Variants in SLC35D4 observed in about 807,000 individuals in gnomAD.
The protein encoded by SLC35D4 is solute carrier family 35 member D4.
At chr18:23,261,918 GCCATCTCTCACCA>G in the SLC35D4 span, among the ~76,000 whole-genome samples, 1 of 152,126 alleles carries the variant, frequency 6.6e-6, no homozygotes, top group African/African-American at 2.4e-5. Context: ...GCTTCCATAT[GCCATCTCTCACCA>G]CCATCTTGCC....
the SLC35D4 span, among the ~76,000 whole-genome samples, chr18:23,359,502 G>C: frequency 6.6e-6 from 1 of 152,146 alleles, no homozygotes; most frequent in South Asian, 2.1e-4. Context: ...TGCTGACTCT[G>C]AGTGAGCGAG....
the SLC35D4 span, among the ~76,000 whole-genome samples, chr18:23,303,629 A>C: frequency 6.6e-6 from 1 of 152,236 alleles, no homozygotes; most frequent in Admixed American, 6.5e-5. Context: ...GGCTGGGCGC[A>C]GTGGCTCACG....
At chr18:23,356,832 T>C in the SLC35D4 span, among the ~76,000 whole-genome samples, 1 of 152,240 alleles carries the variant, frequency 6.6e-6, no homozygotes, top group Non-Finnish European at 1.5e-5. The surrounding 1 kb of genome is among the most constrained non-coding windows in gnomAD (Gnocchi z 4.1). Flanking sequence ...GACATTGTCT[T>C]ATCATGGTAA....
chr18:23,320,934 C>T, the SLC35D4 span, among the ~76,000 whole-genome samples: 1 of 152,210 alleles, frequency 6.6e-6, no homozygotes, highest in Non-Finnish European at 1.5e-5. Flanking sequence ...TTCACACCTG[C>T]AGCCTCCTGC....
chr18:23,337,240 G>A, the SLC35D4 span, among the ~76,000 whole-genome samples: 349 of 152,236 alleles, frequency 2.3e-3, 3 homozygotes, highest in African/African-American at 8.0e-3. Context: ...TTGGGAGGCC[G>A]AGGCAGGCGG....
the SLC35D4 span, chr18:23,330,999 T>G: frequency 6.6e-6 from 1 of 151,782 alleles, no homozygotes; most frequent in African/African-American, 2.4e-5. Context: ...ACAAAAAAAT[T>G]GAAAAATTAG....
chr18:23,412,912 A>T, the SLC35D4 span, among the ~76,000 whole-genome samples: 2 of 152,252 alleles, frequency 1.3e-5, no homozygotes, highest in Non-Finnish European at 2.9e-5. Flanking sequence ...ATTTAGAATA[A>T]GGCAGTCTGA....
At chr18:23,263,115 C>T in the SLC35D4 span, among the ~76,000 whole-genome samples, 2 of 152,178 alleles carry the variant, frequency 1.3e-5, no homozygotes, top group African/African-American at 4.8e-5. Flanking sequence ...CATAAGGTGG[C>T]CAATGACACA....
At chr18:23,357,241 G>A in the SLC35D4 span, among the ~76,000 whole-genome samples, 12 of 151,892 alleles carry the variant, frequency 7.9e-5, no homozygotes, top group African/African-American at 1.9e-4. Flanking sequence ...AGAACAGCAC[G>A]GGGGCCAGAC....
At chr18:23,326,080 G>C in the SLC35D4 span, among the ~76,000 whole-genome samples, 10 of 152,182 alleles carry the variant, frequency 6.6e-5, no homozygotes, top group African/African-American at 2.4e-4. Flanking sequence ...AAAATGCTGG[G>C]GGACCAGCAA....
At chr18:23,412,657 C>A in the SLC35D4 span, among the ~76,000 whole-genome samples, 1 of 152,166 alleles carries the variant, frequency 6.6e-6, no homozygotes, top group African/African-American at 2.4e-5. Context: ...ACCCAAGAGT[C>A]CTGTGATGAC....
the SLC35D4 span, among the ~76,000 whole-genome samples, chr18:23,430,067 A>G: frequency 3.3e-5 from 5 of 152,118 alleles, no homozygotes; most frequent in Admixed American, 2.0e-4. Context: ...AGGACTTACC[A>G]TAAATTCTTT....
chr18:23,436,115 C>A, the SLC35D4 span, among the ~76,000 whole-genome samples: 3 of 151,372 alleles, frequency 2.0e-5, no homozygotes, highest in Admixed American at 2.0e-4. Flanking sequence ...ACAACCTCCG[C>A]CTCTCAGGTT....
At chr18:23,405,850 C>T in the SLC35D4 span, among the ~76,000 whole-genome samples, 1 of 152,204 alleles carries the variant, frequency 6.6e-6, no homozygotes, top group African/African-American at 2.4e-5. Flanking sequence ...TGTGCTGTCA[C>T]AATCCAGTGG....
At chr18:23,275,835 T>C in the SLC35D4 span, among the ~76,000 whole-genome samples, 698 of 152,294 alleles carry the variant, frequency 4.6e-3, 17 homozygotes, top group South Asian at 0.049. Flanking sequence ...AATAAAGGGC[T>C]GAGAGACCCA....
chr18:23,255,091 G>A, the SLC35D4 span, among the ~76,000 whole-genome samples: 2 of 152,192 alleles, frequency 1.3e-5, no homozygotes, highest in African/African-American at 2.4e-5. Flanking sequence ...CTGGTGCCTG[G>A]CTCTGGGGTG....
chr18:23,334,840 T>TA, the SLC35D4 span, among the ~76,000 whole-genome samples: 2 of 151,228 alleles, frequency 1.3e-5, no homozygotes, highest in East Asian at 1.9e-4. Context: ...CCATCTCTAC[T>TA]AAAAAAAATA....
chr18:23,376,974 T>C, the SLC35D4 span: 4 of 456,124 alleles, frequency 8.8e-6, no homozygotes, highest in Admixed American at 2.3e-5. Context: ...GGGTGGGGGA[T>C]TGGATGAAAG....
chr18:23,281,868 T>A, the SLC35D4 span, among the ~76,000 whole-genome samples: 1 of 152,270 alleles, frequency 6.6e-6, no homozygotes, highest in Middle Eastern at 3.4e-3. Context: ...AGCAGAGACG[T>A]CTGTAACAAA....
Sources: allele counts gnomAD v4.1 joint callset (sites outside exome capture counted in the v4.1 genomes callset), GRCh38; gene constraint gnomAD v4.1.1; non-coding constraint Gnocchi (gnomAD v3.1); transcripts MANE v1.5; gene names NCBI Gene and HGNC (gene_info 2026-07-23, HGNC 2026-07-21).